The following SLC25A47 variants were observed in gnomAD, a reference collection of about 807,000 sequenced individuals.
SLC25A47 encodes solute carrier family 25 member 47, also known as HCC-down-regulated mitochondrial carrier protein.
Under a neutral mutation model 29.8 loss-of-function variants are expected in SLC25A47, and 30 were observed. The observed-to-expected ratio is 1.01, with a 90% CI of 0.75 to 1.36. The LOEUF (loss-of-function observed/expected upper bound fraction) is 1.36, where lower values mean the gene tolerates loss of function less well. SLC25A47 is among the 40% of genes most tolerant of loss of function. SLC25A47 has a pLI of 0.00. For synonymous variants in SLC25A47, 204 were observed against 197.8 expected, an observed-to-expected ratio of 1.03 and a Z score of -0.26; for missense variants, 430 against 441.9, an observed-to-expected ratio of 0.97 and a Z score of 0.24.
At chr14:100,326,344 C>A in intron 3 of SLC25A47, 116 bp downstream of exon 3, 1 of 900,162 alleles carries the variant, frequency 1.1e-6, no homozygotes, top group Non-Finnish European at 1.8e-6. Context: ...TCACCTTCCA[C>A]ATGGGAATAG....
chr14:100,328,658 T>G, intron 4 of SLC25A47, 68 bp from the exon 5 acceptor site: 2 of 1,505,448 alleles, frequency 1.3e-6, no homozygotes, highest in Non-Finnish European at 9.2e-7. Context: ...ATGAGGCTGG[T>G]GGGAGGCCAG....
intron 1 of SLC25A47, 70 bp downstream of exon 1, chr14:100,323,512 G>A: frequency 1.9e-6 from 3 of 1,583,688 alleles, no homozygotes; most frequent in Non-Finnish European, 2.6e-6. Flanking sequence ...CTGAGGTCCA[G>A]GAAGGTGCTG....
chr14:100,327,520 C>T, intron 4 of SLC25A47, 150 bp downstream of exon 4: 1 of 927,784 alleles, frequency 1.1e-6, no homozygotes, highest in Non-Finnish European at 1.6e-6. Context: ...GAAGAACTCG[C>T]ATCCCGCCTA....
chr14:100,326,246 G>A lies in SLC25A47; in HGVS notation c.144+18G>A. The A allele has an allele frequency of 6.2e-7, 1 of 1,611,450 alleles. No individual in the cohort carries two copies. Among genetic ancestry groups the A allele is most frequent in the Non-Finnish European group, 8.5e-7 (1 of 1,178,734 alleles). ...GAGAGCGCGTAGGTCTGGGGCCAGGGGCTGGGTAGGGAGACAGGGAGGGGA... is the reference window on the plus strand; with the variant it reads ...GAGAGCGCGTAGGTCTGGGGCCAGGAGCTGGGTAGGGAGACAGGGAGGGGA... On this transcript the variant is annotated intron_variant, in intron 3 of 5. Coordinates refer to ENST00000361529, the MANE Select transcript of SLC25A47 (RefSeq NM_207117.4).
Position 100,329,447 on chromosome 14 carries a change from G to A in SLC25A47, c.729G>A (p.Ser243=), listed in dbSNP as rs746114552. 6 of 1,613,414 alleles carry A rather than the reference G, an allele frequency of 3.7e-6. No homozygotes were observed. The highest frequency in any genetic ancestry group is 5.1e-6 in the Non-Finnish European group (6 of 1,179,986). Residue 243 remains serine, a synonymous_variant, in exon 6 of 6, where the codon TCG becomes TCA. Transcript: ENST00000361529. ...CCACCCCCATGGACGTGATCAAGTC[G>A]AGACTGCAGGCAGACGGGCAGGGCC... The part of the protein sequence containing the change: ...AVATPMDVIK[S]RLQADGQGQR...
chr14:100,325,979 C>A, intron 2 of SLC25A47, 148 bp downstream of exon 2: 1 of 1,014,090 alleles, frequency 9.9e-7, no homozygotes. Context: ...TATGTCAGTC[C>A]CACTTTCTCA....
rs1393610427 is a variant in SLC25A47 at position 100,327,336 on chromosome 14, T to C, written c.293T>C (p.Ile98Thr). 1.2e-6 allele frequency: 2 copies of C among 1,601,202 alleles called. No homozygotes were observed. Among genetic ancestry groups the C allele is most frequent in the Non-Finnish European group, 8.5e-7 (1 of 1,179,576 alleles). Residue 98 changes from isoleucine to threonine, a missense_variant, in exon 4 of 6, where the codon ATC (isoleucine) becomes ACC (threonine). Ile to Thr is a moderately conservative substitution (Grantham distance 89, BLOSUM62 -1). Coordinates refer to ENST00000361529, the MANE Select transcript of SLC25A47 (RefSeq NM_207117.4). The stretch of plus-strand genomic sequence containing the variant: ...GACGCCAAGCCCACCAAGGCCGACA[T>C]CACGCTCTCGGGATGCGCCTCCGGC... ...NPDAKPTKAD[I>T]TLSGCASGLV...
intron 2 of SLC25A47, 44 bp from the exon 3 acceptor site, chr14:100,326,113 C>G (rs1405518339): frequency 1.3e-6 from 2 of 1,550,912 alleles, no homozygotes; most frequent in African/African-American, 2.7e-5. Context: ...TGGCCTTGCC[C>G]TAGGCCTGGA....
Position 100,329,843 on chromosome 14 carries a change from C to A in SLC25A47, c.*198C>A. 1.4e-6 allele frequency: 1 copy of A among 731,242 alleles called. No individual in the cohort carries two copies. The highest frequency in any genetic ancestry group is 2.2e-6 in the Non-Finnish European group (1 of 460,364). The allele number at this position is 731,242 out of a possible 1,614,324, so 45.3% of individuals were successfully genotyped here. Reference sequence around the variant, plus strand: ...ACTGACCTCAGGTCGAGGGGCCCGCCAGCCATCAGCCAGGGTTGGCCTAGG... The same window carrying A: ...ACTGACCTCAGGTCGAGGGGCCCGCAAGCCATCAGCCAGGGTTGGCCTAGG... On this transcript the variant is annotated 3_prime_UTR_variant, in exon 6 of 6. Transcript: ENST00000361529.
chr14:100,325,551 C>T (rs560501900), intron 1 of SLC25A47, among the ~76,000 whole-genome samples: 1 of 152,338 alleles, frequency 6.6e-6, no homozygotes, highest in East Asian at 1.9e-4. Context: ...GGCCAGGACT[C>T]AGGGAAGGGG....
At chr14:100,327,526 G>A (rs780036653) in intron 4 of SLC25A47, among the ~76,000 whole-genome samples, 156 bp downstream of exon 4, 1 of 152,162 alleles carries the variant, frequency 6.6e-6, no homozygotes, top group African/African-American at 2.4e-5. Context: ...CTCGCATCCC[G>A]CCTAGGCTGG....
At chr14:100,323,485 G>C in intron 1 of SLC25A47, 43 bp downstream of exon 1, 1 of 1,607,920 alleles carries the variant, frequency 6.2e-7, no homozygotes, top group Non-Finnish European at 8.5e-7. Flanking sequence ...TGCTGCTCCT[G>C]GGGGTAGCAG....
rs1214879648 is a variant in SLC25A47, at chr14:100,327,265, C to A, written c.222C>A (p.Tyr74Ter). ...TATCTTCCGTGTCTTTTGGCACCTA[C>A]CGCCACTGCCTGGCGCACATCTGCC... ...SLVSSVSFGT[Y>*]RHCLAHICRL... Residue 74 changes from tyrosine (Y) to a stop codon, truncating the protein, a stop_gained, in exon 4 of 6, where the codon TAC becomes TAA. Transcript: ENST00000361529. LOFTEE classifies it high-confidence loss of function. The A allele has an allele frequency of 1.2e-6, 2 of 1,607,970 alleles. No homozygotes were observed. Among genetic ancestry groups the A allele is most frequent in the African/African-American group, 1.3e-5 (1 of 74,936 alleles).
chr14:100,325,040 T>C (rs1340956256), intron 1 of SLC25A47, among the ~76,000 whole-genome samples: 1 of 152,204 alleles, frequency 6.6e-6, no homozygotes, highest in Non-Finnish European at 1.5e-5. Context: ...CTACAGTGAA[T>C]AGGGTACAGT....
chr14:100,329,183 C>G lies in SLC25A47; in HGVS notation c.646+139C>G, dbSNP rs757353372. On this transcript the variant is annotated intron_variant, in intron 5 of 5. Coordinates refer to ENST00000361529, the MANE Select transcript of SLC25A47 (RefSeq NM_207117.4). ...TCCCAGAGTGGGCTCCTCAGTTCTC[C>G]CAACACCAAGAGTCAGGACAGACTT... 473 of 1,217,258 alleles carry G rather than the reference C, an allele frequency of 3.9e-4. 1 individual carries two copies. The highest frequency in any genetic ancestry group is 4.9e-4 in the Non-Finnish European group (431 of 888,066). The allele number at this position is 1,217,258 out of a possible 1,614,324, so 75.4% of individuals were successfully genotyped here.
At position 100,329,795 on chromosome 14, in the gene SLC25A47, G is replaced by GCATGAGCTCGC; in HGVS notation, c.*151_*152insATGAGCTCGCC. Reference sequence around the variant, plus strand: ...CCTCCCTGCAGTGTTGTCGGCCGAGGCCTGAGCTCGCCCTGCCCAGCTACT... The same window carrying GCATGAGCTCGC: ...CCTCCCTGCAGTGTTGTCGGCCGAGGCATGAGCTCGCCCTGAGCTCGCCCTGCCCAGCTACT... On this transcript the variant is annotated 3_prime_UTR_variant, in exon 6 of 6. Transcript: ENST00000361529. 1 of 1,079,820 alleles carries GCATGAGCTCGC rather than the reference G, an allele frequency of 9.3e-7. No homozygotes were observed. Among genetic ancestry groups the GCATGAGCTCGC allele is most frequent in the East Asian group, 2.5e-5 (1 of 39,238 alleles). The allele number at this position is 1,079,820 out of a possible 1,614,324, so 66.9% of individuals were successfully genotyped here. A position where few individuals can be genotyped will look rare whatever the true frequency, so the allele number is the denominator to read the frequency against.
intron 2 of SLC25A47, 155 bp downstream of exon 2, chr14:100,325,986 C>A: frequency 1.0e-6 from 1 of 992,416 alleles, no homozygotes; most frequent in Non-Finnish European, 1.5e-6. Context: ...GTCCCACTTT[C>A]TCACCCCTGT....
chr14:100,326,181 T>C lies in SLC25A47; in HGVS notation c.97T>C (p.Tyr33His). 6.2e-7 allele frequency: 1 copy of C among 1,613,820 alleles called. No individual in the cohort carries two copies. Among genetic ancestry groups the C allele is most frequent in the East Asian group, 2.2e-5 (1 of 44,878 alleles). The change falls in exon 3 of 6, where the codon TAC becomes CAC. Residue 33 changes from tyrosine to histidine, a missense_variant. Coordinates refer to ENST00000361529, the MANE Select transcript of SLC25A47 (RefSeq NM_207117.4). Reference sequence around the variant, plus strand: ...GGTCAGGATCCAGACGGAGCCAAAGTACACAGGCATCTGGCACTGCGTCCG... The same window carrying C: ...GGTCAGGATCCAGACGGAGCCAAAGCACACAGGCATCTGGCACTGCGTCCG... Reference protein sequence around the residue: ...VKVRIQTEPKYTGIWHCVRDT... With the variant: ...VKVRIQTEPKHTGIWHCVRDT...
rs1391504684 is a variant in SLC25A47 at position 100,327,204 on chromosome 14, G to A, written c.161G>A (p.Arg54Gln). Residue 54 changes from arginine (R) to glutamine (Q), a missense_variant, in exon 4 of 6, where the codon CGG (arginine) becomes CAG (glutamine). By Grantham distance (43) the Arg-to-Gln change is conservative. Coordinates refer to ENST00000361529, the MANE Select transcript of SLC25A47 (RefSeq NM_207117.4). ...GTCTGCTAGGTGTGGGGCTTCTACC[G>A]GGGCCTCTCGCTGCCCGTGTGCACG... ...YHRERVWGFYRGLSLPVCTVS... is the reference protein window; with the variant it reads ...YHRERVWGFYQGLSLPVCTVS... 9 of 1,607,048 alleles carry A rather than the reference G, an allele frequency of 5.6e-6. No individual in the cohort carries two copies. The East Asian group carries it at 6.7e-5, about 12-fold the overall frequency.
Sources: gnomAD v4.1 joint callset for allele counts (sites outside exome capture counted in the v4.1 genomes callset) on GRCh38, gnomAD v4.1.1 for gene constraint, MANE v1.5 for transcripts, NCBI Gene and HGNC (gene_info 2026-07-23, HGNC 2026-07-21) for gene names.